OSBPL9: variants seen among roughly 807,000 people sequenced by gnomAD.
OSBPL9 encodes the protein oxysterol-binding protein-related protein 9.
OSBPL9 carries 40 observed loss-of-function variants against 106.6 expected under a neutral mutation model. The ratio of observed to expected loss-of-function variants is 0.38; its 90% CI spans 0.29 to 0.49. The LOEUF (loss-of-function observed/expected upper bound fraction) is 0.49, where lower values mean the gene tolerates loss of function less well. Among genes scored for constraint, OSBPL9 ranks in the 20% least tolerant of loss-of-function variants. The pLI is 0.97. For synonymous variants in OSBPL9, 269 were observed against 295.4 expected, an observed-to-expected ratio of 0.91 and a Z score of 0.92; for missense variants, 609 against 887.2, an observed-to-expected ratio of 0.69 and a Z score of 3.98.
chr1:51,645,273 A>C (rs1401291300), intron 1 of OSBPL9, among the ~76,000 whole-genome samples: 1 of 152,172 alleles, frequency 6.6e-6, no homozygotes, highest in Non-Finnish European at 1.5e-5. Context: ...AGCTGAAACT[A>C]TCTTCTTAAC....
intron 3 of OSBPL9, among the ~76,000 whole-genome samples, chr1:51,671,330 T>C (rs967413374): frequency 2.0e-5 from 3 of 152,204 alleles, no homozygotes; most frequent in Non-Finnish European, 2.9e-5. Flanking sequence ...AATTCTTGAT[T>C]AGAATTGAAA....
Position 51,784,261 on chromosome 1 carries a change from C to T in OSBPL9, c.1625-3C>T. ...TCAGAGATTCTGTCCCTTCTCTCCA[C>T]AGGCTGTGTCTCATGTCTAGACTAT... On this transcript the variant is annotated splice_region_variant and splice_polypyrimidine_tract_variant and intron_variant, in intron 18 of 23. Coordinates refer to ENST00000428468, the MANE Select transcript of OSBPL9 (RefSeq NM_024586.6). The T allele has an allele frequency of 6.2e-7, 1 of 1,613,594 alleles. No homozygotes were observed. Among genetic ancestry groups the T allele is most frequent in the Non-Finnish European group, 8.5e-7 (1 of 1,179,504 alleles).
chr1:51,683,298 G>A (rs1346559393), intron 3 of OSBPL9, among the ~76,000 whole-genome samples: 2 of 151,756 alleles, frequency 1.3e-5, no homozygotes, highest in African/African-American at 4.8e-5. Flanking sequence ...CTCCTGCCTC[G>A]GCCTCCAGAG....
chr1:51,534,826 C>T, the OSBPL9 span, among the ~76,000 whole-genome samples: 2 of 152,232 alleles, frequency 1.3e-5, no homozygotes, highest in African/African-American at 2.4e-5. Flanking sequence ...TGGGCAAGCC[C>T]CTTCTCTCCT....
chr1:51,540,873 T>G, the OSBPL9 span, among the ~76,000 whole-genome samples: 1 of 142,006 alleles, frequency 7.0e-6, no homozygotes, highest in East Asian at 2.1e-4. Flanking sequence ...GCAGGAGAAT[T>G]GCTTGAACCT....
chr1:51,637,346 C>A (rs139188346), intron 1 of OSBPL9, among the ~76,000 whole-genome samples: 1 of 152,038 alleles, frequency 6.6e-6, no homozygotes, highest in Non-Finnish European at 1.5e-5. Context: ...CAAAATTAGC[C>A]GGGCTTGGTG....
At chr1:51,546,077 C>T in the OSBPL9 span, among the ~76,000 whole-genome samples, 14 of 152,128 alleles carry the variant, frequency 9.2e-5, no homozygotes, top group East Asian at 1.4e-3. Context: ...AGTGCAGTGG[C>T]GCAATCTCAG....
intron 4 of OSBPL9, among the ~76,000 whole-genome samples, chr1:51,723,205 A>G (rs777975090): frequency 1.3e-4 from 20 of 152,172 alleles, no homozygotes; most frequent in Non-Finnish European, 1.9e-4. Flanking sequence ...GGTGTTGTGT[A>G]TGGGTTTGGT....
chr1:51,613,905 A>G (rs12062002), upstream of OSBPL9, among the ~76,000 whole-genome samples: 36,245 of 151,122 alleles, frequency 0.24, 6,030 homozygotes, highest in African/African-American at 0.46. Flanking sequence ...CCACAACCTC[A>G]CTAATTTTTA....
intron 1 of OSBPL9, among the ~76,000 whole-genome samples, chr1:51,628,214 CTT>C (rs1229313392): frequency 1.3e-5 from 2 of 152,250 alleles, no homozygotes; most frequent in African/African-American, 4.8e-5. Context: ...CCTAACAACT[CTT>C]TATGCACAAA....
the OSBPL9 span, among the ~76,000 whole-genome samples, chr1:51,523,493 G>T: frequency 6.6e-6 from 1 of 151,588 alleles, no homozygotes; most frequent in Non-Finnish European, 1.5e-5. Context: ...TTTAACAGAA[G>T]AAGAATTTGT....
intron 15 of OSBPL9, among the ~76,000 whole-genome samples, chr1:51,780,912 A>T (rs1389911818): frequency 6.6e-6 from 1 of 152,188 alleles, no homozygotes; most frequent in Non-Finnish European, 1.5e-5. Flanking sequence ...TGAAGAAGTT[A>T]TCCATGTAAC....
At chr1:51,525,208 G>T in the OSBPL9 span, among the ~76,000 whole-genome samples, 4 of 152,320 alleles carry the variant, frequency 2.6e-5, no homozygotes, top group South Asian at 8.3e-4. Flanking sequence ...TTGACTGGCT[G>T]CCTGACCTTC....
the OSBPL9 span, among the ~76,000 whole-genome samples, chr1:51,570,658 G>A: frequency 2.0e-5 from 3 of 152,200 alleles, no homozygotes; most frequent in Non-Finnish European, 4.4e-5. Flanking sequence ...TTACTGGTTA[G>A]GGCTCTGTTA....
intron 3 of OSBPL9, among the ~76,000 whole-genome samples, chr1:51,698,388 CAG>C (rs1345808649): frequency 6.6e-6 from 1 of 152,054 alleles, no homozygotes; most frequent in African/African-American, 2.4e-5. Flanking sequence ...TTACAACAGA[CAG>C]AAAAATATCA....
chr1:51,712,018 G>A (rs1002611886), intron 3 of OSBPL9, among the ~76,000 whole-genome samples: 6 of 152,068 alleles, frequency 3.9e-5, no homozygotes, highest in South Asian at 2.1e-4. Flanking sequence ...GGTGGTGGCC[G>A]GGCAGAGGCT....
chr1:51,754,926 C>T (rs1490060944), intron 8 of OSBPL9, among the ~76,000 whole-genome samples: 3 of 152,156 alleles, frequency 2.0e-5, no homozygotes, highest in Non-Finnish European at 4.4e-5. Flanking sequence ...CCTGCCTCAG[C>T]CACCTGAGTA....
chr1:51,712,214 C>A (rs1344358119), intron 3 of OSBPL9, among the ~76,000 whole-genome samples: 1 of 152,226 alleles, frequency 6.6e-6, no homozygotes, highest in Admixed American at 6.5e-5. Flanking sequence ...GGCTGGAGAC[C>A]GGCCCGGCCA....
At chr1:51,584,749 A>T (rs953262661) in intron 1 of OSBPL9, among the ~76,000 whole-genome samples, 1 of 152,116 alleles carries the variant, frequency 6.6e-6, no homozygotes, top group South Asian at 2.1e-4. Context: ...AATTAAAATT[A>T]AAAAATAAAG....
Sources: allele counts gnomAD v4.1 joint callset (sites outside exome capture counted in the v4.1 genomes callset), GRCh38; gene constraint gnomAD v4.1.1; transcripts MANE v1.5; gene names NCBI Gene and HGNC (gene_info 2026-07-23, HGNC 2026-07-21).